Variants in CNTN1 observed in about 807,000 individuals in gnomAD.
The protein encoded by CNTN1 is contactin 1, also known as contactin-1.
CNTN1 carries 38 observed loss-of-function variants against 126.4 expected under a neutral mutation model. The observed-to-expected ratio is 0.30, with a 90% confidence interval of 0.23 to 0.39. CNTN1 has a LOEUF of 0.39. Among genes scored for constraint, CNTN1 ranks in the 10% least tolerant of loss-of-function variants. The pLI is 1.00. For missense variants in CNTN1, 1,009 were observed against 1,248.4 expected, an observed-to-expected ratio of 0.81 and a Z score of 2.89; for synonymous variants, 413 against 422.6, an observed-to-expected ratio of 0.98 and a Z score of 0.28.
intron 1 of CNTN1, among the ~76,000 whole-genome samples, chr12:40,829,688 G>A (rs533278752): frequency 7.2e-5 from 11 of 152,154 alleles, no homozygotes; most frequent in African/African-American, 2.6e-4. Flanking sequence ...ATCTAGTTTA[G>A]GTATAAGAGG....
chr12:40,707,227 C>CTTTCTTTTTTTTTTTTTTTTTTTTTTT (rs1941782156), intron 1 of CNTN1, among the ~76,000 whole-genome samples: 2 of 109,166 alleles, frequency 1.8e-5, no homozygotes, highest in Non-Finnish European at 3.6e-5. Context: ...TTTTCTTTTT[C>CTTTCTTTTTTTTTTTTTTTTTTTTTTT]TTTTTTTTTT....
At chr12:41,057,296 T>C (rs1426799938) in intron 23 of CNTN1, among the ~76,000 whole-genome samples, 1 of 150,014 alleles carries the variant, frequency 6.7e-6, no homozygotes, top group East Asian at 1.9e-4. Context: ...AAGAGCCATG[T>C]ATTCCTGGTC....
At position 40,830,791 on chromosome 12, in the gene CNTN1, GTATATATATATATATATATA is replaced by G. The variant is rs10592423; in HGVS notation, c.-76-77541_-76-77522del. On this transcript the variant is annotated intron_variant, in intron 1 of 23. Coordinates refer to ENST00000551295, the MANE Select transcript of CNTN1 (RefSeq NM_001843.4). ...TTGAGAGAGAGGGAGAAAGTATAGT[GTATATATATATATATATATA>G]TATATATATATATATATATATATAC... Among the ~76,000 whole-genome samples the G allele has an allele frequency of 3.2e-4, 24 of 75,822 alleles. 2 individuals are homozygous for G. The highest frequency in any genetic ancestry group is 1.5e-3 in the South Asian group (3 of 2,026). 49.7% of individuals were successfully genotyped at this position (75,822 alleles called of 152,430 possible). A position where few individuals can be genotyped will look rare whatever the true frequency, so the allele number is the denominator to read the frequency against.
At position 40,718,229 on chromosome 12, in the gene CNTN1, C is replaced by T. The variant is rs893638660; in HGVS notation, c.-77+25637C>T. Among the ~76,000 whole-genome samples the T allele has an allele frequency of 4.6e-5, 7 of 152,236 alleles. No individual in the cohort carries two copies. In the East Asian group the frequency reaches 5.8e-4, roughly 13 times the overall value. Reference sequence around the variant, plus strand: ...CTGTCGCCAGGCTGGAGTGCAATGGCGCAATTTTGGCTCACTGCAACCTCC... The same window carrying T: ...CTGTCGCCAGGCTGGAGTGCAATGGTGCAATTTTGGCTCACTGCAACCTCC... On this transcript the variant is annotated intron_variant, in intron 1 of 23. Transcript: ENST00000551295.
intron 18 of CNTN1, among the ~76,000 whole-genome samples, chr12:41,015,219 C>A (rs1592406887): frequency 6.6e-6 from 1 of 151,948 alleles, no homozygotes; most frequent in African/African-American, 2.4e-5. Flanking sequence ...TAATCTGAAT[C>A]GTAAAATATT....
intron 1 of CNTN1, among the ~76,000 whole-genome samples, chr12:40,853,258 A>G (rs1942782776): frequency 6.6e-6 from 1 of 152,174 alleles, no homozygotes; most frequent in African/African-American, 2.4e-5. Context: ...GCAAGAGGGA[A>G]GGAAGAAGTG....
intron 1 of CNTN1, among the ~76,000 whole-genome samples, chr12:40,829,271 A>G (rs1941726192): frequency 6.6e-6 from 1 of 152,074 alleles, no homozygotes; most frequent in Non-Finnish European, 1.5e-5. Context: ...ACTAGTGAAT[A>G]TATATACTAG....
chr12:41,019,516 T>A (rs1012889795), intron 19 of CNTN1, among the ~76,000 whole-genome samples: 6 of 152,190 alleles, frequency 3.9e-5, no homozygotes, highest in Admixed American at 3.9e-4. Context: ...GTGTAGAACA[T>A]TTTTAAACAT....
intron 23 of CNTN1, among the ~76,000 whole-genome samples, chr12:41,039,320 C>T (rs188440074): frequency 1.1e-4 from 17 of 152,110 alleles, no homozygotes; most frequent in Non-Finnish European, 2.5e-4. Context: ...GACTAGTGTA[C>T]TAAGAGTAGA....
chr12:40,878,282 C>T (rs901539905), intron 1 of CNTN1, among the ~76,000 whole-genome samples: 1 of 150,650 alleles, frequency 6.6e-6, no homozygotes, highest in Non-Finnish European at 1.5e-5. Flanking sequence ...AGGCGTGAGC[C>T]ACTGCACCCA....
At chr12:40,780,998 A>G (rs1272113545) in intron 1 of CNTN1, among the ~76,000 whole-genome samples, 1 of 151,716 alleles carries the variant, frequency 6.6e-6, no homozygotes, top group Non-Finnish European at 1.5e-5. Flanking sequence ...GCAATCACAT[A>G]CTCACTACTA....
intron 1 of CNTN1, among the ~76,000 whole-genome samples, chr12:40,890,822 TG>T (rs761102461): frequency 1.3e-5 from 2 of 152,212 alleles, no homozygotes; most frequent in Non-Finnish European, 2.9e-5. Context: ...TGCCAGTTTT[TG>T]TACTGACATA....
chr12:40,785,268 G>A (rs1182673339), intron 1 of CNTN1, among the ~76,000 whole-genome samples: 1 of 152,118 alleles, frequency 6.6e-6, no homozygotes, highest in Admixed American at 6.6e-5. Flanking sequence ...TGGTTCTGTA[G>A]GCTGTACAGG....
At chr12:41,010,303 A>G (rs280355) in intron 17 of CNTN1, among the ~76,000 whole-genome samples, 18,117 of 152,090 alleles carry the variant, frequency 0.12, 2,109 homozygotes, top group African/African-American at 0.3. Flanking sequence ...CCGACTTCCA[A>G]TGGTTCCTTC....
chr12:40,824,237 T>C (rs1941538634), intron 1 of CNTN1, among the ~76,000 whole-genome samples: 1 of 152,132 alleles, frequency 6.6e-6, no homozygotes, highest in Non-Finnish European at 1.5e-5. Flanking sequence ...TGATAAATTG[T>C]CCATTGCATC....
chr12:41,056,815 C>T (rs1334885255), intron 23 of CNTN1, among the ~76,000 whole-genome samples: 1 of 149,082 alleles, frequency 6.7e-6, no homozygotes, highest in Non-Finnish European at 1.5e-5. Flanking sequence ...TTATATAGTC[C>T]AATTAAAGTA....
intron 1 of CNTN1, among the ~76,000 whole-genome samples, chr12:40,694,957 G>A (rs73108979): frequency 0.014 from 2,141 of 152,256 alleles, 41 homozygotes; most frequent in African/African-American, 0.048. Context: ...CAATACATAG[G>A]TATGTATCAA....
At chr12:40,834,883 C>A (rs1305160218) in intron 1 of CNTN1, among the ~76,000 whole-genome samples, 1 of 152,062 alleles carries the variant, frequency 6.6e-6, no homozygotes, top group African/African-American at 2.4e-5. Context: ...TAAATATATT[C>A]TATAAAATTA....
chr12:40,931,757 T>G (rs1275505752), intron 7 of CNTN1, among the ~76,000 whole-genome samples: 2 of 151,836 alleles, frequency 1.3e-5, no homozygotes, highest in Non-Finnish European at 2.9e-5. Flanking sequence ...TTGGGAATAA[T>G]GCAGGACCCA....
Sources: gnomAD v4.1 joint callset for allele counts (sites outside exome capture counted in the v4.1 genomes callset) on GRCh38, gnomAD v4.1.1 for gene constraint, MANE v1.5 for transcripts, NCBI Gene and HGNC (gene_info 2026-07-23, HGNC 2026-07-21) for gene names.